ROPN1B: variants seen among roughly 807,000 people sequenced by gnomAD.
The protein encoded by ROPN1B is rhophilin associated tail protein 1B.
In ROPN1B, 13 loss-of-function variants were observed where a neutral mutation model predicts 23.7. That is an observed-to-expected ratio of 0.55 (90% CI 0.36 to 0.87). The LOEUF (loss-of-function observed/expected upper bound fraction) is 0.87, where lower values mean the gene tolerates loss of function less well. Among genes scored for constraint, ROPN1B ranks in the 40% least tolerant of loss-of-function variants. ROPN1B has a pLI of 0.01. For synonymous variants in ROPN1B, 67 were observed against 100.4 expected (o/e 0.67, Z 1.99); for missense variants, 183 against 249.2 (o/e 0.73, Z 1.79).
intron 3 of ROPN1B, among the ~76,000 whole-genome samples, chr3:125,975,214 C>T (rs1024346081): frequency 6.6e-6 from 1 of 152,140 alleles, no homozygotes; most frequent in African/African-American, 2.4e-5. Context: ...TATATATACA[C>T]ATGTAACATA....
intron 1 of ROPN1B, among the ~76,000 whole-genome samples, chr3:125,970,565 T>C (rs145955320): frequency 8.2e-4 from 125 of 152,292 alleles, no homozygotes; most frequent in East Asian, 4.2e-3. Flanking sequence ...GCATGTTTTG[T>C]TTGCTTTTTT....
chr3:125,974,314 T>C (rs556553280), intron 3 of ROPN1B, among the ~76,000 whole-genome samples: 1 of 152,004 alleles, frequency 6.6e-6, no homozygotes, highest in East Asian at 1.9e-4. Flanking sequence ...AAGCACATTG[T>C]TAAAGGTGCC....
In ROPN1B at chr3:125,972,464, T is replaced by G. The variant is rs546475890; in HGVS notation, c.116+294T>G. ...TAGATGACCGCGTCACACCAGCGTATGCACACCCACCTCCTCCCTGCACGC... is the reference window on the plus strand; with the variant it reads ...TAGATGACCGCGTCACACCAGCGTAGGCACACCCACCTCCTCCCTGCACGC... On this transcript the variant is annotated intron_variant, in intron 3 of 6. Coordinates refer to ENST00000514116, the MANE Select transcript of ROPN1B (RefSeq NM_001308313.2). 531 of 504,942 alleles carry G rather than the reference T, an allele frequency of 1.1e-3. 8 individuals are homozygous for G. The South Asian group carries it at 0.018, about 18-fold the overall frequency. 31.3% of individuals were successfully genotyped at this position (504,942 alleles called of 1,614,324 possible). A position where few individuals can be genotyped will look rare whatever the true frequency, so the allele number is the denominator to read the frequency against.
rs367912460 is a variant in ROPN1B, at chr3:125,976,584, G to A, written c.235-420G>A. ...TAGAGCTAAGAACTCAGTGCAATCG[G>A]GAAGAAACAGACCTATGTCTTGTTC... On this transcript the variant is annotated intron_variant, in intron 4 of 6. Coordinates refer to ENST00000514116, the MANE Select transcript of ROPN1B (RefSeq NM_001308313.2). Among the ~76,000 whole-genome samples the A allele has an allele frequency of 9.2e-5, 14 of 152,296 alleles. No individual in the cohort carries two copies. In the East Asian group the frequency reaches 2.7e-3, roughly 29 times the overall value.
At position 125,983,298 on chromosome 3, in the gene ROPN1B, A is replaced by C. The variant is rs1335239106; in HGVS notation, c.617A>C (p.Asn206Thr). 8 of 1,613,352 alleles carry C rather than the reference A, an allele frequency of 5.0e-6. No homozygotes were observed. The highest frequency in any genetic ancestry group is 6.8e-6 in the Non-Finnish European group (8 of 1,179,510). The change falls in exon 7 of 7, where the codon AAC (asparagine) becomes ACC (threonine). Residue 206 changes from asparagine to threonine, a missense_variant. By Grantham distance (65) the Asn-to-Thr change is moderately conservative. This residue lies in a region of ROPN1B where 80 missense variants were observed against 98.0 expected (regional missense o/e 0.82). Transcript: ENST00000514116. The stretch of plus-strand genomic sequence containing the variant: ...ATCACGGTGAATGACTTTACCCAAA[A>C]CCCCAGGGTTTGGCTGGAGTAACAG... ...GLITVNDFTQNPRVWLE is the reference protein window; with the variant it reads ...GLITVNDFTQTPRVWLE
Position 125,977,155 on chromosome 3 carries a change from C to T in ROPN1B, c.386C>T (p.Ala129Val), listed in dbSNP as rs772754234. 4 of 1,218,030 alleles carry T rather than the reference C, an allele frequency of 3.3e-6. No homozygotes were observed. The highest frequency in any genetic ancestry group is 1.6e-5 in the African/African-American group (1 of 63,228). 75.5% of individuals were successfully genotyped at this position (1,218,030 alleles called of 1,614,324 possible). A position where few individuals can be genotyped will look rare whatever the true frequency, so the allele number is the denominator to read the frequency against. Residue 129 changes from alanine to valine, a missense_variant, in exon 5 of 7, where the codon GCT becomes GTT. By Grantham distance (64) the Ala-to-Val change is moderately conservative (BLOSUM62 0). Coordinates refer to ENST00000514116, the MANE Select transcript of ROPN1B (RefSeq NM_001308313.2). Reference protein sequence around the residue: ...WLKFLALACSALGVTITKTLK... With the variant: ...WLKFLALACSVLGVTITKTLK... ...AAGTTTTTAGCCCTTGCTTGCAGCGCTCTGGGAGTTGTAAGTTAGCTTGAC... is the reference window on the plus strand; with the variant it reads ...AAGTTTTTAGCCCTTGCTTGCAGCGTTCTGGGAGTTGTAAGTTAGCTTGAC...
At chr3:125,971,714 T>C (rs1938212631) in intron 2 of ROPN1B, among the ~76,000 whole-genome samples, 1 of 152,232 alleles carries the variant, frequency 6.6e-6, no homozygotes, top group African/African-American at 2.4e-5. Flanking sequence ...TTTTTTGTTT[T>C]ACAAACATAT....
chr3:125,976,650 C>T (rs899301351), intron 4 of ROPN1B, among the ~76,000 whole-genome samples: 14 of 152,258 alleles, frequency 9.2e-5, no homozygotes, highest in South Asian at 2.1e-4. Context: ...AAGCCCTCTA[C>T]CCCTTGGTTT....
intron 3 of ROPN1B, among the ~76,000 whole-genome samples, chr3:125,974,710 G>GC (rs1466432290): frequency 1.3e-5 from 2 of 152,136 alleles, no homozygotes; most frequent in African/African-American, 2.4e-5. Flanking sequence ...GTTCCACAAT[G>GC]CCCCCAAACA....
rs965940102 is a variant in ROPN1B, at chr3:125,974,455, T to C, written c.117-1108T>C. ...ATCATTGTATGGCTTGACCCTAAAG[T>C]GGGCTTTTACAAAATTCCCTCTATA... On this transcript the variant is annotated intron_variant, in intron 3 of 6. Transcript: ENST00000514116. Among the ~76,000 whole-genome samples the C allele has an allele frequency of 7.0e-4, 107 of 152,312 alleles. 1 individual carries two copies. Among genetic ancestry groups the C allele is most frequent in the Non-Finnish European group, 1.4e-3 (92 of 68,028 alleles).
chr3:125,982,038 C>T (rs557830237), intron 5 of ROPN1B, among the ~76,000 whole-genome samples: 6 of 152,214 alleles, frequency 3.9e-5, no homozygotes, highest in Admixed American at 3.9e-4. Context: ...AAATTTAATT[C>T]CTTGAGTAGT....
chr3:125,974,347 T>G lies in ROPN1B; in HGVS notation c.117-1216T>G, dbSNP rs567801310. On this transcript the variant is annotated intron_variant, in intron 3 of 6. Transcript: ENST00000514116. ...GCCCTTCCTGCTGATGACCTCCAAGTGGTGACCGGCAGTTACTCCTTTAGT... is the reference window on the plus strand; with the variant it reads ...GCCCTTCCTGCTGATGACCTCCAAGGGGTGACCGGCAGTTACTCCTTTAGT... 2.5e-3 allele frequency among the ~76,000 whole-genome samples: 387 copies of G among 152,174 alleles called. 4 individuals are homozygous for G. Among genetic ancestry groups the G allele is most frequent in the African/African-American group, 3.7e-3 (155 of 41,522 alleles).
chr3:125,979,857 T>A (rs1938551659), intron 5 of ROPN1B, among the ~76,000 whole-genome samples: 1 of 152,222 alleles, frequency 6.6e-6, no homozygotes, highest in Non-Finnish European at 1.5e-5. Context: ...TACTCCATCT[T>A]GAGCTCTCTG....
intron 4 of ROPN1B, among the ~76,000 whole-genome samples, chr3:125,976,032 G>A (rs41265737): frequency 0.086 from 13,017 of 152,198 alleles, 697 homozygotes; most frequent in African/African-American, 0.14. Flanking sequence ...ATCACAGTTT[G>A]GGGAAGGGCA....
intron 5 of ROPN1B, among the ~76,000 whole-genome samples, chr3:125,981,152 A>G (rs1200445245): frequency 6.6e-6 from 1 of 152,242 alleles, no homozygotes; most frequent in African/African-American, 2.4e-5. Context: ...ATTATAAATT[A>G]TGTTTAAATT....
intron 4 of ROPN1B, among the ~76,000 whole-genome samples, chr3:125,976,258 G>C (rs1938409892): frequency 6.6e-6 from 1 of 152,190 alleles, no homozygotes; most frequent in Non-Finnish European, 1.5e-5. Context: ...AGAGCGGTTT[G>C]GGGTGATTTA....
chr3:125,977,751 C>G (rs1938476161), intron 5 of ROPN1B: 1 of 161,750 alleles, frequency 6.2e-6, no homozygotes, highest in Non-Finnish European at 1.4e-5. Flanking sequence ...TGTTTTGAAG[C>G]CAAAGATGTT....
chr3:125,976,957 C>G (rs1221012182), intron 4 of ROPN1B, 47 bp from the exon 5 acceptor site: 1 of 671,424 alleles, frequency 1.5e-6, no homozygotes, highest in Non-Finnish European at 2.8e-6. Context: ...GGCCTTGTCT[C>G]AACTTCTCCC....
chr3:125,975,656 G>T lies in ROPN1B; in HGVS notation c.210G>T (p.Glu70Asp). 1 of 1,613,958 alleles carries T rather than the reference G, an allele frequency of 6.2e-7. No homozygotes were observed. Among genetic ancestry groups the T allele is most frequent in the Non-Finnish European group, 8.5e-7 (1 of 1,179,922 alleles). ...GTAACTGGGCAGAGCTAACACCTGA[G>T]CTGTTAAAGATCCTGCATTCTCAGG... is the stretch of plus-strand genomic sequence containing the variant. ...ALCNWAELTP[E>D]LLKILHSQVA... Residue 70 changes from glutamate (E) to aspartate (D), a missense_variant, in exon 4 of 7, where the codon GAG (glutamate) becomes GAT (aspartate). By Grantham distance (45) the Glu-to-Asp change is conservative. Transcript: ENST00000514116.
Sources: gnomAD v4.1 joint callset for allele counts (sites outside exome capture counted in the v4.1 genomes callset) on GRCh38, gnomAD v4.1.1 for gene constraint, gnomAD v4.1.1 regional missense constraint, MANE v1.5 for transcripts, NCBI Gene and HGNC (gene_info 2026-07-23, HGNC 2026-07-21) for gene names.